CNTN3: variants seen among roughly 807,000 people sequenced by gnomAD.
The protein encoded by CNTN3 is contactin 3.
A neutral mutation model predicts 119.1 loss-of-function variants in CNTN3; 60 were observed. That is an observed-to-expected ratio of 0.50 (90% CI 0.41 to 0.62). The LOEUF (loss-of-function observed/expected upper bound fraction) is 0.62. Among genes scored for constraint, CNTN3 ranks in the 20% least tolerant of loss-of-function variants. The pLI is 0.00. For synonymous variants in CNTN3, 450 were observed against 438.7 expected (o/e 1.03, Z -0.32); for missense variants, 1,101 against 1,242.4 (o/e 0.89, Z 1.71).
intron 1 of CNTN3, among the ~76,000 whole-genome samples, chr3:74,579,325 C>A (rs1026575724): frequency 3.3e-5 from 5 of 151,028 alleles, no homozygotes; most frequent in Non-Finnish European, 5.9e-5. Context: ...TAAAAGCACT[C>A]TTTCAGTTAT....
rs1344992145 is a variant in CNTN3 at position 74,365,033 on chromosome 3, AACACATATATTT to A, written c.1084-449_1084-438del. On this transcript the variant is annotated intron_variant, in intron 9 of 22. Coordinates refer to ENST00000263665, the MANE Select transcript of CNTN3 (RefSeq NM_020872.3). Reference sequence around the variant, plus strand: ...CTGTGGATTAGAAAGGTTTCTGGGAAACACATATATTTACCAGAGTTTCTAGGTAGTATGAAA... The same window carrying A: ...CTGTGGATTAGAAAGGTTTCTGGGAAACCAGAGTTTCTAGGTAGTATGAAA... Among the ~76,000 whole-genome samples the A allele has an allele frequency of 2.0e-5, 3 of 152,166 alleles. No homozygotes were observed. In the East Asian group the frequency reaches 5.8e-4, roughly 29 times the overall value.
At chr3:74,493,626 T>G (rs1377526446) in intron 3 of CNTN3, among the ~76,000 whole-genome samples, 1 of 152,118 alleles carries the variant, frequency 6.6e-6, no homozygotes, top group Non-Finnish European at 1.5e-5. Flanking sequence ...ACAGGAAAAT[T>G]AGAAATTTAA....
At chr3:74,534,371 G>A (rs1156484287) in intron 1 of CNTN3, among the ~76,000 whole-genome samples, 1 of 151,274 alleles carries the variant, frequency 6.6e-6, no homozygotes, top group African/African-American at 2.4e-5. Context: ...TTCATTATTT[G>A]CACACAGGTT....
chr3:74,311,049 C>A (rs887057926), intron 13 of CNTN3, among the ~76,000 whole-genome samples: 1 of 152,142 alleles, frequency 6.6e-6, no homozygotes, highest in East Asian at 1.9e-4. Flanking sequence ...GCTGACTGTG[C>A]CAAGAATCCA....
At chr3:74,440,652 T>C (rs968979494) in intron 4 of CNTN3, among the ~76,000 whole-genome samples, 1 of 150,500 alleles carries the variant, frequency 6.6e-6, no homozygotes, top group African/African-American at 2.5e-5. Context: ...TTTTTTCCTG[T>C]TGTTATTTAT....
chr3:74,544,907 CT>C (rs1703893204), intron 1 of CNTN3, among the ~76,000 whole-genome samples: 1 of 152,088 alleles, frequency 6.6e-6, no homozygotes, highest in Non-Finnish European at 1.5e-5. Flanking sequence ...CGATGAATCT[CT>C]TGCACAATAA....
intron 5 of CNTN3, among the ~76,000 whole-genome samples, chr3:74,421,262 G>T (rs943222595): frequency 6.6e-6 from 1 of 151,742 alleles, no homozygotes; most frequent in East Asian, 1.9e-4. Context: ...TCCACCTCCC[G>T]AGCTCAAGCA....
chr3:74,565,732 T>C (rs1303539826), intron 1 of CNTN3, among the ~76,000 whole-genome samples: 1 of 152,112 alleles, frequency 6.6e-6, no homozygotes, highest in Non-Finnish European at 1.5e-5. Flanking sequence ...AATGTGATGA[T>C]AATTGTAAAG....
At chr3:74,272,182 T>TA (rs548674653) in intron 20 of CNTN3, among the ~76,000 whole-genome samples, 44 of 152,174 alleles carry the variant, frequency 2.9e-4, no homozygotes, top group South Asian at 2.3e-3. Flanking sequence ...TGATGAGCTT[T>TA]AAAAAAAATC....
chr3:74,587,436 A>G (rs1482426049), intron 1 of CNTN3, among the ~76,000 whole-genome samples: 1 of 147,186 alleles, frequency 6.8e-6, no homozygotes, highest in East Asian at 1.9e-4. Context: ...TTACGTCATT[A>G]CAAGACTGGA....
chr3:74,426,704 G>A (rs1044510146), intron 4 of CNTN3, among the ~76,000 whole-genome samples: 41 of 152,136 alleles, frequency 2.7e-4, no homozygotes, highest in African/African-American at 7.7e-4. Flanking sequence ...ATAACATAGC[G>A]TTGTATCACC....
chr3:74,409,585 C>G (rs1701405070), intron 5 of CNTN3, among the ~76,000 whole-genome samples: 1 of 151,874 alleles, frequency 6.6e-6, no homozygotes, highest in Non-Finnish European at 1.5e-5. Flanking sequence ...TCTTAGAAGT[C>G]TGTCCCTAAG....
intron 2 of CNTN3, among the ~76,000 whole-genome samples, chr3:74,515,041 A>G (rs138197073): frequency 6.6e-6 from 1 of 152,134 alleles, no homozygotes; most frequent in East Asian, 1.9e-4. Context: ...GAATTTCTGG[A>G]TGTGGGGAGG....
chr3:74,279,044 CA>C (rs1490218967), intron 20 of CNTN3, among the ~76,000 whole-genome samples: 1 of 152,120 alleles, frequency 6.6e-6, no homozygotes, highest in Non-Finnish European at 1.5e-5. Context: ...GAATGCAAAT[CA>C]AAACCACAAT....
intron 13 of CNTN3, among the ~76,000 whole-genome samples, chr3:74,324,768 T>C (rs1329086761): frequency 2.0e-5 from 3 of 152,010 alleles, no homozygotes; most frequent in Non-Finnish European, 2.9e-5. Context: ...AAGAAGAAGG[T>C]AGACTTGTTT....
intron 1 of CNTN3, among the ~76,000 whole-genome samples, chr3:74,532,264 AG>A (rs201582646): frequency 0.026 from 3,938 of 151,956 alleles, 70 homozygotes; most frequent in East Asian, 0.062. Flanking sequence ...AAATGGGTAG[AG>A]GGTAAAGAGA....
chr3:74,269,556 C>T (rs670805), intron 20 of CNTN3, among the ~76,000 whole-genome samples: 66,930 of 151,950 alleles, frequency 0.44, 18,051 homozygotes, highest in African/African-American at 0.77. Flanking sequence ...TCTGTACATA[C>T]ATAATCTGGA....
chr3:74,348,220 C>T (rs1244743243), intron 11 of CNTN3, among the ~76,000 whole-genome samples: 13 of 151,740 alleles, frequency 8.6e-5, no homozygotes, highest in Admixed American at 3.9e-4. Context: ...TAACTATGTG[C>T]GGTGATAGAT....
intron 20 of CNTN3, among the ~76,000 whole-genome samples, chr3:74,271,597 A>G (rs1701777054): frequency 6.6e-6 from 1 of 152,228 alleles, no homozygotes; most frequent in Admixed American, 6.5e-5. Flanking sequence ...TTAATTATAC[A>G]AAACTCAGTA....
Sources: allele counts gnomAD v4.1 joint callset (sites outside exome capture counted in the v4.1 genomes callset), GRCh38; gene constraint gnomAD v4.1.1; transcripts MANE v1.5; gene names NCBI Gene and HGNC (gene_info 2026-07-23, HGNC 2026-07-21).